Variants in LGR4 observed in about 807,000 individuals in gnomAD.
LGR4 encodes the protein leucine-rich repeat-containing G protein-coupled receptor 4.
In LGR4, 44 loss-of-function variants were observed where a neutral mutation model predicts 84.8. That is an observed-to-expected ratio of 0.52 (90% confidence interval 0.41 to 0.67). LGR4 has a LOEUF of 0.67. LGR4 is among the 30% of genes least tolerant of loss of function. The pLI is 0.00. For synonymous variants in LGR4, 429 were observed against 434.3 expected (o/e 0.99, Z 0.15); for missense variants, 1,032 against 1,131.4 (o/e 0.91, Z 1.26).
chr11:27,372,173 C>T (rs546133898), intron 16 of LGR4, 110 bp downstream of exon 16: 12 of 749,708 alleles, frequency 1.6e-5, no homozygotes, highest in East Asian at 2.6e-5. Context: ...CCAGACAATG[C>T]CATTTTTCTC....
At chr11:27,430,365 A>G (rs907655007) in intron 1 of LGR4, among the ~76,000 whole-genome samples, 1 of 152,202 alleles carries the variant, frequency 6.6e-6, no homozygotes, top group African/African-American at 2.4e-5. Context: ...GAGATCTCAG[A>G]GAACAAGTTG....
In LGR4 at chr11:27,472,245, C is replaced by A. The variant is rs918096327; in HGVS notation, c.58G>T (p.Gly20Trp). 2.3e-6 allele frequency: 3 copies of A among 1,322,444 alleles called. No homozygotes were observed. The highest frequency in any genetic ancestry group is 2.0e-5 in the South Asian group (1 of 51,140). 81.9% of individuals were successfully genotyped at this position (1,322,444 alleles called of 1,614,324 possible). Residue 20 changes from glycine to tryptophan, a missense_variant, in exon 1 of 18, where the codon GGG becomes TGG. Gly to Trp is a radical substitution (Grantham distance 184). Transcript: ENST00000379214. ...FLALGLLGSA[G>W]PSGAAPPLCA... ...AGAGGCGGCGCCGCGCCGCTGGGCC[C>A]GGCCGAGCCGAGCAGCCCCAGGGCG...
At chr11:27,369,380 T>G (rs1862839523) in intron 17 of LGR4, among the ~76,000 whole-genome samples, 2 of 152,216 alleles carry the variant, frequency 1.3e-5, no homozygotes, top group African/African-American at 4.8e-5. Flanking sequence ...AAATATTTCT[T>G]TTATTAAATA....
At chr11:27,396,210 G>C (rs1029859523) in intron 2 of LGR4, among the ~76,000 whole-genome samples, 2 of 152,182 alleles carry the variant, frequency 1.3e-5, no homozygotes, top group Non-Finnish European at 2.9e-5. Flanking sequence ...TGATGCCTCT[G>C]GTAGTCACCA....
At chr11:27,388,462 C>T (rs530409658) in intron 4 of LGR4, among the ~76,000 whole-genome samples, 12 of 152,126 alleles carry the variant, frequency 7.9e-5, no homozygotes, top group Admixed American at 5.2e-4. Context: ...TATTTAAACT[C>T]CATGTGGTAA....
intron 2 of LGR4, among the ~76,000 whole-genome samples, chr11:27,394,623 G>A (rs1395748971): frequency 2.6e-5 from 4 of 151,970 alleles, no homozygotes; most frequent in Non-Finnish European, 4.4e-5. Context: ...GGCTGGTTTC[G>A]AATTCCTGAC....
chr11:27,422,583 G>C (rs1249255189), intron 1 of LGR4, among the ~76,000 whole-genome samples: 1 of 152,150 alleles, frequency 6.6e-6, no homozygotes, highest in Non-Finnish European at 1.5e-5. Context: ...TGCAAACTCT[G>C]AATGCCCTGA....
intron 1 of LGR4, among the ~76,000 whole-genome samples, chr11:27,438,134 C>T (rs1293703567): frequency 6.6e-6 from 1 of 152,140 alleles, no homozygotes; most frequent in East Asian, 1.9e-4. Flanking sequence ...TATTCAAAGC[C>T]ACACAACCAG....
intron 4 of LGR4, among the ~76,000 whole-genome samples, chr11:27,386,060 C>G (rs1863181912): frequency 6.6e-6 from 1 of 152,110 alleles, no homozygotes; most frequent in Admixed American, 6.6e-5. Context: ...TTCTTCTTCT[C>G]TTAGCAGTTA....
intron 4 of LGR4, among the ~76,000 whole-genome samples, chr11:27,387,986 A>G (rs1248487980): frequency 6.6e-6 from 1 of 152,154 alleles, no homozygotes; most frequent in African/African-American, 2.4e-5. Context: ...TACTGCTAGA[A>G]AACTAGGTGA....
intron 11 of LGR4, among the ~76,000 whole-genome samples, chr11:27,378,493 T>C (rs1323838563): frequency 6.6e-6 from 1 of 152,196 alleles, no homozygotes; most frequent in Non-Finnish European, 1.5e-5. Flanking sequence ...GTCACAAGTA[T>C]ATGATATATT....
At chr11:27,414,699 T>C (rs992189224) in intron 1 of LGR4, among the ~76,000 whole-genome samples, 2 of 152,116 alleles carry the variant, frequency 1.3e-5, no homozygotes, top group South Asian at 4.1e-4. Flanking sequence ...GGCGAGGAAA[T>C]GTTTTGTTTT....
At chr11:27,390,746 C>T (rs1863268597) in intron 4 of LGR4, among the ~76,000 whole-genome samples, 1 of 152,140 alleles carries the variant, frequency 6.6e-6, no homozygotes, top group Non-Finnish European at 1.5e-5. Flanking sequence ...GAAACAGAAA[C>T]CTCTTTGTGG....
At chr11:27,425,325 AGTTTTTTTTTTT>A (rs1402062911) in intron 1 of LGR4, among the ~76,000 whole-genome samples, 4 of 145,374 alleles carry the variant, frequency 2.8e-5, no homozygotes, top group Non-Finnish European at 4.5e-5. Context: ...GTCTCAGCAC[AGTTTTTTTTTTT>A]GTTTTTTTTT....
intron 1 of LGR4, among the ~76,000 whole-genome samples, chr11:27,466,849 T>C (rs998188071): frequency 2.6e-5 from 4 of 152,104 alleles, no homozygotes; most frequent in Admixed American, 6.6e-5. Flanking sequence ...AGTGGCACAA[T>C]CTCGGTTCAC....
intron 13 of LGR4, among the ~76,000 whole-genome samples, chr11:27,374,862 A>G (rs1862945727): frequency 6.6e-6 from 1 of 152,216 alleles, no homozygotes; most frequent in Non-Finnish European, 1.5e-5. Context: ...ATGATCCAGC[A>G]ACCCAACTAC....
Position 27,368,136 on chromosome 11 carries a change from A to G in LGR4, c.2587T>C (p.Ser863Pro). ...GNLTVCDCCE[S>P]FLLTKPVSCK... ...GATACTGGCTTTGTTAAAAGAAACG[A>G]TTCGCAGCAGTCGCAAACAGTCAGG... The change falls in exon 18 of 18, where the codon TCG (serine) becomes CCG (proline). Residue 863 changes from serine to proline, a missense_variant. Physicochemically the swap from Ser to Pro is moderately conservative, Grantham distance 74. Coordinates refer to ENST00000379214, the MANE Select transcript of LGR4 (RefSeq NM_018490.5). 2 of 1,614,230 alleles carry G rather than the reference A, an allele frequency of 1.2e-6. No individual in the cohort carries two copies. Among genetic ancestry groups the G allele is most frequent in the Non-Finnish European group, 1.7e-6 (2 of 1,180,040 alleles).
chr11:27,426,102 T>C (rs1864020980), intron 1 of LGR4, among the ~76,000 whole-genome samples: 1 of 152,276 alleles, frequency 6.6e-6, no homozygotes, highest in Non-Finnish European at 1.5e-5. Flanking sequence ...TTAACAATTT[T>C]CCAACCATCT....
intron 11 of LGR4, 54 bp downstream of exon 11, chr11:27,378,643 G>A: frequency 1.7e-6 from 2 of 1,187,292 alleles, no homozygotes; most frequent in Admixed American, 1.8e-5. Flanking sequence ...AATTGAACAT[G>A]TGTGAATATA....
Sources: allele counts gnomAD v4.1 joint callset (sites outside exome capture counted in the v4.1 genomes callset), GRCh38; gene constraint gnomAD v4.1.1; transcripts MANE v1.5; gene names NCBI Gene and HGNC (gene_info 2026-07-23, HGNC 2026-07-21).